AASS: variants seen among roughly 807,000 people sequenced by gnomAD.
The protein encoded by AASS is aminoadipate-semialdehyde synthase, also known as alpha-aminoadipic semialdehyde synthase, mitochondrial.
Under a neutral mutation model 105.4 loss-of-function variants are expected in AASS, and 86 were observed. The ratio of observed to expected loss-of-function variants is 0.82; its 90% CI spans 0.69 to 0.98. The LOEUF (loss-of-function observed/expected upper bound fraction) is 0.98. AASS is among the 50% of genes least tolerant of loss of function. The pLI is 0.00. For missense variants in AASS, 1,048 were observed against 1,143.2 expected, an observed-to-expected ratio of 0.92 and a Z score of 1.20; for synonymous variants, 381 against 394.8, an observed-to-expected ratio of 0.96 and a Z score of 0.41.
At position 122,118,263 on chromosome 7, in the gene AASS, A is replaced by G. The variant is rs1431906666; in HGVS notation, c.687+44T>C. 4 of 1,610,386 alleles carry G rather than the reference A, an allele frequency of 2.5e-6. No homozygotes were observed. The South Asian group carries it at 3.3e-5, about 13-fold the overall frequency. On this transcript the variant is annotated intron_variant, in intron 6 of 23. Transcript: ENST00000417368. ...TGCCCACATCATTTGGGTTAGTTTC[A>G]AAGTTTTGGATTGTTTTACAAAAGG...
chr7:122,135,446 A>G (rs565587072), intron 1 of AASS, among the ~76,000 whole-genome samples: 10 of 151,928 alleles, frequency 6.6e-5, no homozygotes, highest in Non-Finnish European at 1.3e-4. Flanking sequence ...CTCTCCATAC[A>G]TGGCCGTCTG....
At chr7:122,085,223 A>G (rs1793563958) in intron 19 of AASS, among the ~76,000 whole-genome samples, 1 of 152,142 alleles carries the variant, frequency 6.6e-6, no homozygotes, top group African/African-American at 2.4e-5. Flanking sequence ...ACACATCTTG[A>G]TTTCAGACTT....
chr7:122,127,817 T>G (rs1795725013), intron 3 of AASS, among the ~76,000 whole-genome samples: 1 of 152,152 alleles, frequency 6.6e-6, no homozygotes, highest in African/African-American at 2.4e-5. Context: ...TCCAGTCTCG[T>G]GGCTCTAGAC....
Position 122,126,470 on chromosome 7 carries a change from G to A in AASS, c.388-11C>T. 1.2e-6 allele frequency: 2 copies of A among 1,612,054 alleles called. No homozygotes were observed. The highest frequency in any genetic ancestry group is 1.1e-5 in the South Asian group (1 of 91,028). ...AATAAGGCGAATTTCCTGAAAAGAG[G>A]ATAAAAAAATTTCAACTGGACCCAT... On this transcript the variant is annotated splice_polypyrimidine_tract_variant and intron_variant, in intron 3 of 23. Transcript: ENST00000417368.
At position 122,073,601 on chromosome 7, in the gene AASS, G is replaced by A. The variant is rs1162400560; in HGVS notation, c.*2888C>T. ...TGAGATAAAATCTACATACCACACA[G>A]TTCAAACATTCAAAGTATACAATTC... On this transcript the variant is annotated 3_prime_UTR_variant, in exon 24 of 24. Transcript: ENST00000417368. Among the ~76,000 whole-genome samples, 2 of 152,074 alleles carry A rather than the reference G, an allele frequency of 1.3e-5. No homozygotes were observed. The highest frequency in any genetic ancestry group is 2.9e-5 in the Non-Finnish European group (2 of 68,010).
rs776439642 is a variant in AASS at position 122,098,735 on chromosome 7, G to A, written c.1528+10C>T. On this transcript the variant is annotated intron_variant, in intron 14 of 23. Transcript: ENST00000417368. ...ACATTTTTCTTCTTCAAAAATTAGG[G>A]CTTATTTACCTACTGTTATTTCTAT... The A allele has an allele frequency of 2.5e-6, 4 of 1,605,636 alleles. No individual in the cohort carries two copies. Among genetic ancestry groups the A allele is most frequent in the East Asian group, 4.5e-5 (2 of 44,682 alleles).
chr7:122,094,614 A>G (rs1304050562), intron 15 of AASS, among the ~76,000 whole-genome samples: 3 of 152,188 alleles, frequency 2.0e-5, no homozygotes, highest in East Asian at 3.9e-4. Context: ...GACTATGGAT[A>G]TACTCATTTA....
At chr7:122,134,062 C>G (rs778654026) in intron 1 of AASS, among the ~76,000 whole-genome samples, 3 of 152,136 alleles carry the variant, frequency 2.0e-5, no homozygotes, top group Non-Finnish European at 4.4e-5. Flanking sequence ...ACAAATTAAT[C>G]TACAATGCAA....
intron 15 of AASS, among the ~76,000 whole-genome samples, chr7:122,097,920 C>A (rs1009720007): frequency 1.3e-5 from 2 of 151,692 alleles, no homozygotes; most frequent in African/African-American, 4.8e-5. Flanking sequence ...CTTATAATAG[C>A]CAAAATCCAG....
chr7:122,083,282 T>C (rs1489934989), intron 19 of AASS, among the ~76,000 whole-genome samples: 1 of 152,130 alleles, frequency 6.6e-6, no homozygotes, highest in African/African-American at 2.4e-5. Flanking sequence ...AGAAAAGTAA[T>C]ATCACTAGCT....
intron 11 of AASS, among the ~76,000 whole-genome samples, chr7:122,109,808 A>T (rs1794844547): frequency 6.6e-6 from 1 of 151,946 alleles, no homozygotes; most frequent in African/African-American, 2.4e-5. Context: ...AGACAAATGG[A>T]ATTACATCAA....
At chr7:122,108,902 T>C (rs955877511) in intron 11 of AASS, among the ~76,000 whole-genome samples, 3 of 151,980 alleles carry the variant, frequency 2.0e-5, no homozygotes, top group Non-Finnish European at 4.4e-5. Flanking sequence ...ATCTTATATA[T>C]AGAAAACCCT....
intron 22 of AASS, 27 bp downstream of exon 22, chr7:122,078,835 A>G: frequency 6.3e-7 from 1 of 1,588,298 alleles, no homozygotes; most frequent in South Asian, 1.1e-5. Context: ...TTCTTTAGGT[A>G]TATTTAGCTA....
In AASS at chr7:122,074,428, G is replaced by A. The variant is rs767122249; in HGVS notation, c.*2061C>T. On this transcript the variant is annotated 3_prime_UTR_variant, in exon 24 of 24. Coordinates refer to ENST00000417368, the MANE Select transcript of AASS (RefSeq NM_005763.4). ...TTTAAAAAAAATTATCTCATTCTGTGGGTTGTATTTTTGCTTTCTTGATAT... is the reference window on the plus strand; with the variant it reads ...TTTAAAAAAAATTATCTCATTCTGTAGGTTGTATTTTTGCTTTCTTGATAT... Among the ~76,000 whole-genome samples, 2 of 151,994 alleles carry A rather than the reference G, an allele frequency of 1.3e-5. No individual in the cohort carries two copies. Among genetic ancestry groups the A allele is most frequent in the Non-Finnish European group, 2.9e-5 (2 of 67,992 alleles).
At chr7:122,123,483 A>T (rs1795523117) in intron 4 of AASS, among the ~76,000 whole-genome samples, 1 of 152,222 alleles carries the variant, frequency 6.6e-6, no homozygotes, top group African/African-American at 2.4e-5. Flanking sequence ...ATGACAGGAT[A>T]GTAAGTCTGA....
At chr7:122,089,847 G>T (rs931696766) in intron 18 of AASS, among the ~76,000 whole-genome samples, 2 of 152,024 alleles carry the variant, frequency 1.3e-5, no homozygotes, top group Non-Finnish European at 2.9e-5. Context: ...CATTTATAAG[G>T]CCTCCTAAAA....
At chr7:122,093,016 C>T in intron 16 of AASS, 32 bp downstream of exon 16, 2 of 1,609,766 alleles carry the variant, frequency 1.2e-6, no homozygotes, top group Non-Finnish European at 1.7e-6. Context: ...GCCATGGATC[C>T]ACTCAGTTTG....
At chr7:122,119,055 A>G (rs144190953) in intron 4 of AASS, among the ~76,000 whole-genome samples, 22 of 152,228 alleles carry the variant, frequency 1.4e-4, no homozygotes, top group African/African-American at 5.1e-4. Context: ...AAACAAAGTC[A>G]CCATTAACCC....
Position 122,078,137 on chromosome 7 carries a change from A to G in AASS, c.2486-123T>C, listed in dbSNP as rs117573737. On this transcript the variant is annotated intron_variant, in intron 22 of 23. Transcript: ENST00000417368. ...TCCTTTTATATATGATCACTAGACA[A>G]TTATTTACACAGCTTTTTAGCCCAA... is the stretch of plus-strand genomic sequence containing the variant. 4,918 of 916,618 alleles carry G rather than the reference A, an allele frequency of 5.4e-3. 45 individuals carry two copies. The highest frequency in any genetic ancestry group is 0.02 in the South Asian group (1,457 of 72,880). 56.8% of individuals were successfully genotyped at this position (916,618 alleles called of 1,614,324 possible).
Sources: allele counts gnomAD v4.1 joint callset (sites outside exome capture counted in the v4.1 genomes callset), GRCh38; gene constraint gnomAD v4.1.1; transcripts MANE v1.5; gene names NCBI Gene and HGNC (gene_info 2026-07-23, HGNC 2026-07-21).